The following RPH3A variants were observed in gnomAD, a reference collection of about 807,000 sequenced individuals.
RPH3A encodes the protein rabphilin-3A.
A neutral mutation model predicts 102.2 loss-of-function variants in RPH3A; 48 were observed. The ratio of observed to expected loss-of-function variants is 0.47; its 90% CI spans 0.37 to 0.60. The LOEUF (loss-of-function observed/expected upper bound fraction) is 0.60, where lower values mean the gene tolerates loss of function less well. RPH3A is among the 20% of genes least tolerant of loss of function. The pLI, the probability that RPH3A is intolerant of heterozygous loss-of-function variation, is 0.00. For missense variants in RPH3A, 781 were observed against 910.1 expected, an observed-to-expected ratio of 0.86 and a Z score of 1.83; for synonymous variants, 310 against 324.3, an observed-to-expected ratio of 0.96 and a Z score of 0.47.
At chr12:112,670,776 G>A (rs2040122763) in intron 1 of RPH3A, among the ~76,000 whole-genome samples, 2 of 152,196 alleles carry the variant, frequency 1.3e-5, no homozygotes, top group African/African-American at 4.8e-5. Context: ...GTTCTCAAGA[G>A]AGAACAAAAG....
intron 1 of RPH3A, among the ~76,000 whole-genome samples, chr12:112,591,752 C>T (rs1352971564): frequency 2.0e-5 from 3 of 152,172 alleles, no homozygotes; most frequent in Admixed American, 1.3e-4. Flanking sequence ...CAGTAGAACT[C>T]CTCACCTGCC....
intron 1 of RPH3A, among the ~76,000 whole-genome samples, chr12:112,666,047 A>G (rs2040081416): frequency 6.6e-6 from 1 of 152,186 alleles, no homozygotes; most frequent in Non-Finnish European, 1.5e-5. Context: ...GTTCAAGACT[A>G]GCAGGCCAGC....
chr12:112,768,948 C>A (rs1195481689), intron 1 of RPH3A, among the ~76,000 whole-genome samples: 2 of 152,036 alleles, frequency 1.3e-5, no homozygotes, highest in Non-Finnish European at 1.5e-5. Context: ...AACAAAAAAA[C>A]CTTCCTACTC....
Position 112,784,163 on chromosome 12 carries a change from A to G in RPH3A, c.-139-7980A>G, listed in dbSNP as rs141644333. Among the ~76,000 whole-genome samples the G allele has an allele frequency of 1.4e-3, 213 of 152,322 alleles. 2 individuals carry two copies. The highest frequency in any genetic ancestry group is 4.8e-3 in the African/African-American group (199 of 41,580). ...TGGGGTGGCGGTGGGTAGAAAATGT[A>G]GAATCTTCCAGCAAATATCAGCCCC... On this transcript the variant is annotated intron_variant, in intron 1 of 21. Coordinates refer to the RPH3A transcript ENST00000543106.
intron 1 of RPH3A, among the ~76,000 whole-genome samples, chr12:112,725,786 T>TGTC (rs1445606878): frequency 2.6e-5 from 4 of 151,622 alleles, no homozygotes; most frequent in Non-Finnish European, 5.9e-5. Context: ...TTGTTGTTGT[T>TGTC]GTTGTTGTTG....
chr12:112,811,998 C>T (rs1232367523), intron 2 of RPH3A, among the ~76,000 whole-genome samples: 2 of 151,918 alleles, frequency 1.3e-5, no homozygotes, highest in Non-Finnish European at 2.9e-5. Context: ...GACTTCTCCG[C>T]CTGGTAGAAC....
chr12:112,631,137 T>C (rs1200788921), intron 1 of RPH3A, among the ~76,000 whole-genome samples: 3 of 152,178 alleles, frequency 2.0e-5, no homozygotes, highest in African/African-American at 7.2e-5. Context: ...GTCCTGTGGC[T>C]TCTGCCTGTG....
chr12:112,784,455 A>G (rs550837825), intron 1 of RPH3A, among the ~76,000 whole-genome samples: 1 of 152,356 alleles, frequency 6.6e-6, no homozygotes, highest in Admixed American at 6.5e-5. Context: ...GGTTCCTTGC[A>G]GAACCCCGTG....
intron 2 of RPH3A, among the ~76,000 whole-genome samples, chr12:112,815,994 T>C (rs892042341): frequency 6.6e-6 from 1 of 152,192 alleles, no homozygotes; most frequent in Non-Finnish European, 1.5e-5. Flanking sequence ...GTTAAGGTTT[T>C]GTAGACACAG....
intron 1 of RPH3A, among the ~76,000 whole-genome samples, chr12:112,694,192 C>T (rs552022330): frequency 6.6e-6 from 1 of 152,154 alleles, no homozygotes; most frequent in Non-Finnish European, 1.5e-5. Flanking sequence ...GCAACACCGC[C>T]CCAACTCTTA....
chr12:112,651,928 A>C (rs1285306597), intron 1 of RPH3A: 1 of 152,160 alleles, frequency 6.6e-6, no homozygotes, highest in Non-Finnish European at 1.5e-5. Context: ...TCAGTATTTC[A>C]TTCCTTTTTA....
intron 1 of RPH3A, among the ~76,000 whole-genome samples, chr12:112,662,035 G>A (rs1443897738): frequency 6.6e-6 from 1 of 152,148 alleles, no homozygotes; most frequent in African/African-American, 2.4e-5. Flanking sequence ...AATTGCGTCA[G>A]AATCTCAGTA....
intron 1 of RPH3A, among the ~76,000 whole-genome samples, chr12:112,738,198 A>T (rs900754742): frequency 6.7e-6 from 1 of 149,178 alleles, no homozygotes; most frequent in African/African-American, 2.5e-5. Flanking sequence ...TAATTAATTA[A>T]TTTTTTTTTT....
chr12:112,750,465 T>C (rs1430372679), intron 1 of RPH3A, among the ~76,000 whole-genome samples: 2 of 152,148 alleles, frequency 1.3e-5, no homozygotes, highest in East Asian at 3.8e-4. Flanking sequence ...AGTTGTTCCA[T>C]CTAAGGAGTG....
At chr12:112,676,568 G>C (rs1264346380) in intron 1 of RPH3A, among the ~76,000 whole-genome samples, 2 of 152,244 alleles carry the variant, frequency 1.3e-5, no homozygotes, top group Non-Finnish European at 2.9e-5. Context: ...GAGCGACTAG[G>C]CCTTCCTTTA....
At chr12:112,864,186 C>A (rs575059651) in intron 5 of RPH3A, among the ~76,000 whole-genome samples, 6 of 152,310 alleles carry the variant, frequency 3.9e-5, no homozygotes, top group African/African-American at 1.4e-4. Context: ...GGCGCAGGGG[C>A]TCACGCCTGT....
intron 1 of RPH3A, among the ~76,000 whole-genome samples, chr12:112,579,210 G>A (rs1378600685): frequency 6.6e-6 from 1 of 152,104 alleles, no homozygotes; most frequent in African/African-American, 2.4e-5. Context: ...CAAATAGGTC[G>A]CACTTCCATT....
intron 1 of RPH3A, among the ~76,000 whole-genome samples, chr12:112,696,597 C>T (rs2040353916): frequency 6.6e-6 from 1 of 152,162 alleles, no homozygotes; most frequent in Non-Finnish European, 1.5e-5. Flanking sequence ...ACTCCAAGAA[C>T]AGTTTTCCTT....
chr12:112,740,262 A>G (rs2040699822), intron 1 of RPH3A, among the ~76,000 whole-genome samples: 1 of 152,190 alleles, frequency 6.6e-6, no homozygotes, highest in African/African-American at 2.4e-5. Flanking sequence ...TCTGGCATAT[A>G]ATAAAAAGTT....
Sources: gnomAD v4.1 joint callset for allele counts (sites outside exome capture counted in the v4.1 genomes callset) on GRCh38, gnomAD v4.1.1 for gene constraint, MANE v1.5 for transcripts, NCBI Gene and HGNC (gene_info 2026-07-23, HGNC 2026-07-21) for gene names.